AFG2A: variants seen among roughly 807,000 people sequenced by gnomAD.
AFG2A encodes the protein AAA ATPase AFG2A.
chr4:123,307,376 A>T, the AFG2A span, among the ~76,000 whole-genome samples: 8 of 151,068 alleles, frequency 5.3e-5, no homozygotes, highest in Non-Finnish European at 1.0e-4. Flanking sequence ...CAGTGTAGAT[A>T]CACACACACA....
the AFG2A span, among the ~76,000 whole-genome samples, chr4:123,224,669 A>T: frequency 2.6e-5 from 4 of 152,202 alleles, no homozygotes. Flanking sequence ...CGCAATAAAC[A>T]TACGTGTGCA....
chr4:123,216,566 A>G, the AFG2A span, among the ~76,000 whole-genome samples: 3 of 152,216 alleles, frequency 2.0e-5, no homozygotes, highest in Non-Finnish European at 2.9e-5. Flanking sequence ...TTACAAAACT[A>G]TAAATAACAC....
At chr4:123,145,021 A>C in the AFG2A span, among the ~76,000 whole-genome samples, 1 of 152,128 alleles carries the variant, frequency 6.6e-6, no homozygotes, top group African/African-American at 2.4e-5. Flanking sequence ...CATTTAATGC[A>C]TATGACTTTA....
chr4:123,285,951 T>C, the AFG2A span, among the ~76,000 whole-genome samples: 24 of 152,110 alleles, frequency 1.6e-4, no homozygotes, highest in African/African-American at 5.8e-4. Context: ...AATAGTGCTA[T>C]TATCACCATC....
the AFG2A span, among the ~76,000 whole-genome samples, chr4:123,095,042 AATATAT>A: frequency 4.9e-4 from 56 of 114,040 alleles, 1 homozygote; most frequent in Middle Eastern, 5.7e-3. Flanking sequence ...AAAAAAAAAA[AATATAT>A]ATATATATAT....
chr4:123,252,807 C>G, the AFG2A span, among the ~76,000 whole-genome samples: 1 of 152,292 alleles, frequency 6.6e-6, no homozygotes, highest in South Asian at 2.1e-4. Flanking sequence ...AGGTTGCAGT[C>G]AACCACTAGT....
the AFG2A span, among the ~76,000 whole-genome samples, chr4:123,226,789 C>T: frequency 6.6e-6 from 1 of 152,136 alleles, no homozygotes; most frequent in African/African-American, 2.4e-5. Flanking sequence ...GGAATGGTAC[C>T]AGCTCCTCCT....
the AFG2A span, among the ~76,000 whole-genome samples, chr4:123,023,257 A>G: frequency 6.6e-6 from 1 of 152,168 alleles, no homozygotes; most frequent in Non-Finnish European, 1.5e-5. Context: ...TCTTTGATGA[A>G]GTCCCATGAT....
the AFG2A span, among the ~76,000 whole-genome samples, chr4:123,304,887 G>T: frequency 6.6e-6 from 1 of 152,288 alleles, no homozygotes; most frequent in Admixed American, 6.5e-5. Context: ...GGTCGCGTCT[G>T]ATACTGTAGC....
the AFG2A span, among the ~76,000 whole-genome samples, chr4:123,287,855 G>A: frequency 6.6e-6 from 1 of 152,168 alleles, no homozygotes; most frequent in South Asian, 2.1e-4. Context: ...ACCTTGCCGA[G>A]AAGGTGGCAT....
the AFG2A span, among the ~76,000 whole-genome samples, chr4:123,011,521 C>A: frequency 6.6e-6 from 1 of 152,134 alleles, no homozygotes; most frequent in African/African-American, 2.4e-5. Flanking sequence ...GAGGGACCGA[C>A]GTGTTAAAGA....
the AFG2A span, among the ~76,000 whole-genome samples, chr4:123,179,343 A>ATG: frequency 7.6e-6 from 1 of 132,312 alleles, no homozygotes; most frequent in Non-Finnish European, 1.7e-5. Flanking sequence ...ACTTACTTAT[A>ATG]TATGTCTGTA....
the AFG2A span, among the ~76,000 whole-genome samples, chr4:123,087,902 G>A: frequency 6.6e-6 from 1 of 152,102 alleles, no homozygotes; most frequent in African/African-American, 2.4e-5. Flanking sequence ...GAAGACTTCC[G>A]AGCTCTTAAC....
the AFG2A span, among the ~76,000 whole-genome samples, chr4:123,118,355 A>T: frequency 2.6e-4 from 35 of 134,728 alleles, no homozygotes; most frequent in African/African-American, 2.4e-4. Context: ...TATATATATT[A>T]TATATATATA....
the AFG2A span, among the ~76,000 whole-genome samples, chr4:123,258,904 T>C: frequency 4.7e-5 from 7 of 149,236 alleles, no homozygotes; most frequent in African/African-American, 1.5e-4. Flanking sequence ...TTCGCCCTTG[T>C]ATCCCAGGCT....
chr4:123,181,538 A>G, the AFG2A span, among the ~76,000 whole-genome samples: 3 of 152,140 alleles, frequency 2.0e-5, no homozygotes, highest in Non-Finnish European at 4.4e-5. Flanking sequence ...GCTTGAGCCC[A>G]TGGGATCAAG....
the AFG2A span, among the ~76,000 whole-genome samples, chr4:123,012,479 A>G: frequency 2.6e-5 from 4 of 152,174 alleles, no homozygotes; most frequent in Non-Finnish European, 4.4e-5. Flanking sequence ...TGTCCCCACA[A>G]TTGACTTGCC....
the AFG2A span, among the ~76,000 whole-genome samples, chr4:123,214,174 T>C: frequency 2.0e-5 from 3 of 152,152 alleles, no homozygotes; most frequent in African/African-American, 7.2e-5. Flanking sequence ...TTGTCTTAGA[T>C]TACATAGATA....
chr4:123,284,130 A>G, the AFG2A span, among the ~76,000 whole-genome samples: 14 of 152,038 alleles, frequency 9.2e-5, no homozygotes, highest in Non-Finnish European at 1.5e-4. Flanking sequence ...TACTGCCTTT[A>G]TATAGAATGT....
Sources: allele counts gnomAD v4.1 joint callset (sites outside exome capture counted in the v4.1 genomes callset), GRCh38; gene constraint gnomAD v4.1.1; transcripts MANE v1.5; gene names NCBI Gene and HGNC (gene_info 2026-07-23, HGNC 2026-07-21).